Variants in SLC23A2 observed in about 807,000 individuals in gnomAD.
SLC23A2 encodes Na(+)/L-ascorbic acid transporter 2.
SLC23A2 carries 36 observed loss-of-function variants against 73.3 expected under a neutral mutation model. That is an observed-to-expected ratio of 0.49 (90% CI 0.38 to 0.65). The LOEUF is 0.65. Among genes scored for constraint, SLC23A2 ranks in the 30% least tolerant of loss-of-function variants. The pLI is 0.00. For synonymous variants in SLC23A2, 343 were observed against 327.3 expected (o/e 1.05, Z -0.52); for missense variants, 507 against 841.6 (o/e 0.60, Z 4.92).
At chr20:4,861,483 A>C (rs556367008) in intron 15 of SLC23A2, among the ~76,000 whole-genome samples, 1 of 152,342 alleles carries the variant, frequency 6.6e-6, no homozygotes, top group South Asian at 2.1e-4. Flanking sequence ...ATTCCTCAGG[A>C]CATTGCAGTG....
chr20:4,873,926 G>A lies in SLC23A2; in HGVS notation c.1102+10C>T, dbSNP rs775546219. 6.2e-7 allele frequency: 1 copy of A among 1,610,464 alleles called. No homozygotes were observed. The highest frequency in any genetic ancestry group is 1.3e-5 in the African/African-American group (1 of 74,720). The stretch of plus-strand genomic sequence containing the variant: ...GGGCTCTTGACCCCTCTAGCCATCA[G>A]AATACTTACATGGGTATGGAACCTT... On this transcript the variant is annotated intron_variant, in intron 11 of 16. Transcript: ENST00000338244.
chr20:4,914,460 G>C (rs1932258745), intron 3 of SLC23A2, among the ~76,000 whole-genome samples: 1 of 151,948 alleles, frequency 6.6e-6, no homozygotes, highest in African/African-American at 2.4e-5. Context: ...CCAAGGTATG[G>C]GGGAGAGTTA....
chr20:4,915,273 C>T (rs1242708552), intron 3 of SLC23A2, among the ~76,000 whole-genome samples: 3 of 152,038 alleles, frequency 2.0e-5, no homozygotes, highest in Non-Finnish European at 4.4e-5. Context: ...TTACTCACAA[C>T]CCTTTGTAAG....
chr20:4,951,067 C>T (rs1271625346), intron 2 of SLC23A2, among the ~76,000 whole-genome samples: 1 of 152,152 alleles, frequency 6.6e-6, no homozygotes, highest in South Asian at 2.1e-4. Context: ...CCCATCAGGT[C>T]AACACGCCTA....
chr20:4,870,442 G>A (rs1930400123), intron 11 of SLC23A2, among the ~76,000 whole-genome samples: 2 of 151,946 alleles, frequency 1.3e-5, no homozygotes, highest in Admixed American at 1.3e-4. Context: ...CCAGGCGTGG[G>A]GGCATGTGCC....
At chr20:5,002,992 C>A (rs1233535358), upstream of SLC23A2, among the ~76,000 whole-genome samples, 2 of 152,170 alleles carry the variant, frequency 1.3e-5, no homozygotes, top group Non-Finnish European at 2.9e-5. Flanking sequence ...AGTTCACAAT[C>A]CCTACTGGGA....
In SLC23A2 at chr20:4,855,223, G is replaced by A. The variant is rs1180162177; in HGVS notation, c.*1749C>T. On this transcript the variant is annotated 3_prime_UTR_variant, in exon 17 of 17. Coordinates refer to ENST00000338244, the MANE Select transcript of SLC23A2 (RefSeq NM_005116.6). ...ACTTCCAAGAGTGAAGGGGGCTACGGTGACATGGCAATGCTGCAAAGACAG... is the reference window on the plus strand; with the variant it reads ...ACTTCCAAGAGTGAAGGGGGCTACGATGACATGGCAATGCTGCAAAGACAG... The A allele has an allele frequency of 1.3e-5, 2 of 152,400 alleles. No homozygotes were observed. The highest frequency in any genetic ancestry group is 2.9e-5 in the Non-Finnish European group (2 of 68,088). 9.4% of individuals were successfully genotyped at this position (152,400 alleles called of 1,614,324 possible). A position where few individuals can be genotyped will look rare whatever the true frequency, so the allele number is the denominator to read the frequency against.
At chr20:4,870,629 T>C (rs1930411069) in intron 11 of SLC23A2, among the ~76,000 whole-genome samples, 1 of 151,798 alleles carries the variant, frequency 6.6e-6, no homozygotes, top group African/African-American at 2.4e-5. Context: ...GAAGAGGCTG[T>C]AACTTCTCTT....
chr20:4,895,707 G>T (rs980690979), intron 6 of SLC23A2, among the ~76,000 whole-genome samples: 5 of 152,108 alleles, frequency 3.3e-5, no homozygotes, highest in African/African-American at 1.2e-4. Flanking sequence ...ATACCCAAGG[G>T]GTTAGAATTC....
At chr20:4,858,513 A>T (rs552844072) in intron 16 of SLC23A2, among the ~76,000 whole-genome samples, 1 of 151,286 alleles carries the variant, frequency 6.6e-6, no homozygotes, top group African/African-American at 2.4e-5. Flanking sequence ...TTTCCCCAGC[A>T]ATCTCTTGAT....
intron 6 of SLC23A2, among the ~76,000 whole-genome samples, chr20:4,897,660 C>T (rs1931594477): frequency 6.6e-6 from 1 of 152,194 alleles, no homozygotes; most frequent in Non-Finnish European, 1.5e-5. Flanking sequence ...TGTGCCCCAA[C>T]AGTGGGCAAG....
intron 2 of SLC23A2, among the ~76,000 whole-genome samples, chr20:4,956,761 G>A (rs908036228): frequency 6.6e-6 from 1 of 151,354 alleles, no homozygotes; most frequent in Non-Finnish European, 1.5e-5. Context: ...AACGGATATG[G>A]GTGAAAGTAA....
At chr20:4,885,469 A>G (rs529127135) in intron 7 of SLC23A2, among the ~76,000 whole-genome samples, 1 of 152,384 alleles carries the variant, frequency 6.6e-6, no homozygotes, top group African/African-American at 2.4e-5. Context: ...AGGGATGCTG[A>G]CGCAGCAAAG....
At chr20:4,996,784 T>C (rs894619940) in intron 1 of SLC23A2, among the ~76,000 whole-genome samples, 17 of 150,576 alleles carry the variant, frequency 1.1e-4, no homozygotes, top group African/African-American at 3.2e-4. Flanking sequence ...GGAATTTCCA[T>C]AGAGGGCCTT....
At chr20:4,943,216 GAATA>G (rs2087070222) in intron 2 of SLC23A2, among the ~76,000 whole-genome samples, 1 of 152,034 alleles carries the variant, frequency 6.6e-6, no homozygotes. Context: ...AGACGGCACT[GAATA>G]AATACTATAT....
At chr20:4,985,368 G>T (rs897193801) in intron 1 of SLC23A2, among the ~76,000 whole-genome samples, 6 of 152,082 alleles carry the variant, frequency 3.9e-5, no homozygotes, top group African/African-American at 1.4e-4. Flanking sequence ...CAGCAATAAA[G>T]TGGAGGTACT....
At position 4,863,544 on chromosome 20, in the gene SLC23A2, G is replaced by A. The variant is rs564911878; in HGVS notation, c.1357-637C>T. On this transcript the variant is annotated intron_variant, in intron 13 of 16. Transcript: ENST00000338244. The surrounding 1 kb of genome is among the most constrained non-coding windows in gnomAD (Gnocchi z 4.8). Reference sequence around the variant, plus strand: ...CCTGCATAAAACTGCCTGAATGGTAGCTGGCACGCACTGAGCCATCTGAGA... The same window carrying A: ...CCTGCATAAAACTGCCTGAATGGTAACTGGCACGCACTGAGCCATCTGAGA... Among the ~76,000 whole-genome samples, 7 of 152,304 alleles carry A rather than the reference G, an allele frequency of 4.6e-5. No homozygotes were observed. Among genetic ancestry groups the A allele is most frequent in the African/African-American group, 1.7e-4 (7 of 41,582 alleles).
intron 2 of SLC23A2, among the ~76,000 whole-genome samples, chr20:4,954,190 GGGTA>G (rs1373618715): frequency 2.0e-5 from 3 of 152,082 alleles, no homozygotes; most frequent in Non-Finnish European, 4.4e-5. Context: ...AAGAAGATAG[GGGTA>G]GGGAGGATAT....
chr20:4,904,224 G>A (rs1462495799), intron 4 of SLC23A2, among the ~76,000 whole-genome samples: 1 of 152,192 alleles, frequency 6.6e-6, no homozygotes, highest in Non-Finnish European at 1.5e-5. Flanking sequence ...CACATAGGCA[G>A]TCAGCCATAC....
Sources: allele counts gnomAD v4.1 joint callset (sites outside exome capture counted in the v4.1 genomes callset), GRCh38; gene constraint gnomAD v4.1.1; non-coding constraint Gnocchi (gnomAD v3.1); transcripts MANE v1.5; gene names NCBI Gene and HGNC (gene_info 2026-07-23, HGNC 2026-07-21).